The following AMPH variants were observed in gnomAD, a reference collection of about 807,000 sequenced individuals.
AMPH encodes amphiphysin (Stiff-Mann syndrome with breast cancer 128kD autoantigen).
AMPH carries 49 observed loss-of-function variants against 99.1 expected under a neutral mutation model. That is an observed-to-expected ratio of 0.49 (90% CI 0.39 to 0.63). The LOEUF is 0.63. Ranked by LOEUF, AMPH falls within the 20% of genes least tolerant of loss-of-function variation. The pLI, the probability that AMPH is intolerant of heterozygous loss-of-function variation, is 0.00. For synonymous variants in AMPH, 314 were observed against 317.3 expected, an observed-to-expected ratio of 0.99 and a Z score of 0.11; for missense variants, 759 against 863.4, an observed-to-expected ratio of 0.88 and a Z score of 1.52.
chr7:38,407,685 G>A (rs1395106101), intron 17 of AMPH, among the ~76,000 whole-genome samples: 1 of 151,954 alleles, frequency 6.6e-6, no homozygotes, highest in Non-Finnish European at 1.5e-5. Context: ...CAAGCCATAA[G>A]TACAGAATAA....
rs777984460 is a variant in AMPH at position 38,476,827 on chromosome 7, C to T, written c.504+35G>A. Reference sequence around the variant, plus strand: ...TAAAGCTGCAACAGGTCATAAAATACGGAGAGTGGTATTCACCATGGGCTC... The same window carrying T: ...TAAAGCTGCAACAGGTCATAAAATATGGAGAGTGGTATTCACCATGGGCTC... On this transcript the variant is annotated intron_variant, in intron 6 of 20. Transcript: ENST00000356264. 5.0e-5 allele frequency: 75 copies of T among 1,490,164 alleles called. No homozygotes were observed. In the South Asian group the frequency reaches 5.6e-4, roughly 11 times the overall value. The allele number at this position is 1,490,164 out of a possible 1,614,324, so 92.3% of individuals were successfully genotyped here.
Position 38,426,980 on chromosome 7 carries a change from C to T in AMPH, c.1189G>A (p.Gly397Ser). ...TGTGTGAATCCATTAAATGAACCAC[C>T]AGAAGCCTAAACAGAAACGAAAATC... ...TSTDLVQPAS[G>S]GSFNGFTQPQ... is the part of the protein sequence containing the mutation. The change falls in exon 15 of 21, where the codon GGT (glycine) becomes AGT (serine). Residue 397 changes from glycine (G) to serine (S), a missense_variant. By Grantham distance (56) the Gly-to-Ser change is moderately conservative. This residue lies in a region of AMPH where 554 missense variants were observed against 575.6 expected (regional missense o/e 0.96). Transcript: ENST00000356264. 2.5e-6 allele frequency: 4 copies of T among 1,612,848 alleles called. No individual in the cohort carries two copies. The highest frequency in any genetic ancestry group is 2.5e-6 in the Non-Finnish European group (3 of 1,179,194).
At chr7:38,431,338 G>GA (rs1343980654) in intron 13 of AMPH, among the ~76,000 whole-genome samples, 2 of 152,100 alleles carry the variant, frequency 1.3e-5, no homozygotes, top group East Asian at 3.8e-4. Flanking sequence ...TTATAAATGA[G>GA]AAAAAAATGA....
chr7:38,583,153 T>C (rs1446893574), intron 1 of AMPH, among the ~76,000 whole-genome samples: 5 of 152,206 alleles, frequency 3.3e-5, no homozygotes, highest in Non-Finnish European at 7.3e-5. Context: ...TCAAAACATA[T>C]GAAGAGCCCA....
intron 2 of AMPH, among the ~76,000 whole-genome samples, chr7:38,522,754 G>A (rs904565410): frequency 2.6e-5 from 4 of 152,110 alleles, no homozygotes; most frequent in African/African-American, 7.2e-5. Context: ...ATAAATATAC[G>A]TATATTGAAG....
At chr7:38,525,277 T>TAGAGAG (rs66462162) in intron 2 of AMPH, among the ~76,000 whole-genome samples, 49 of 86,644 alleles carry the variant, frequency 5.7e-4, no homozygotes, top group East Asian at 2.5e-3. Flanking sequence ...TATATATATA[T>TAGAGAG]AGAGAGAGAG....
At chr7:38,513,596 GA>G (rs1179617744) in intron 2 of AMPH, among the ~76,000 whole-genome samples, 7 of 152,158 alleles carry the variant, frequency 4.6e-5, no homozygotes, top group Non-Finnish European at 1.0e-4. Context: ...TGCTTCAAAA[GA>G]AAGAAGACTT....
At chr7:38,591,056 G>C (rs7811852) in intron 1 of AMPH, among the ~76,000 whole-genome samples, 84,018 of 151,946 alleles carry the variant, frequency 0.55, 23,680 homozygotes, top group African/African-American at 0.66. Context: ...TATTTTGAGA[G>C]GGAATCTTCT....
chr7:38,391,603 G>C (rs889591523), intron 19 of AMPH, 145 bp downstream of exon 19: 1 of 801,754 alleles, frequency 1.2e-6, no homozygotes, highest in South Asian at 1.9e-5. Flanking sequence ...GTCCTGGCTT[G>C]TCCAAGTGAT....
rs1300355949 is a variant in AMPH, at chr7:38,434,462, G to A, written c.1134+1810C>T. Among the ~76,000 whole-genome samples, 6 of 152,240 alleles carry A rather than the reference G, an allele frequency of 3.9e-5. No individual in the cohort carries two copies. The South Asian group carries it at 1.0e-3, about 26-fold the overall frequency. ...CCACAAAAGAAATGAAGCATGGGCC[G>A]GGCATGGTGGCTCATGCCTGTAATC... On this transcript the variant is annotated intron_variant, in intron 12 of 20. Coordinates refer to ENST00000356264, the MANE Select transcript of AMPH (RefSeq NM_001635.4).
At chr7:38,412,722 T>C (rs1011485644) in intron 17 of AMPH, among the ~76,000 whole-genome samples, 7 of 152,192 alleles carry the variant, frequency 4.6e-5, no homozygotes, top group African/African-American at 1.4e-4. Flanking sequence ...ATGTATCATG[T>C]TTGTAGATCA....
At chr7:38,518,977 G>A (rs950221425) in intron 2 of AMPH, among the ~76,000 whole-genome samples, 6 of 152,214 alleles carry the variant, frequency 3.9e-5, no homozygotes, top group South Asian at 4.1e-4. Flanking sequence ...CGGGTTTCAC[G>A]CTCATAAATG....
chr7:38,407,048 C>CTCTCTCTATATA (rs1241166935), intron 17 of AMPH, among the ~76,000 whole-genome samples: 2 of 31,258 alleles, frequency 6.4e-5, no homozygotes, highest in African/African-American at 1.1e-4. Flanking sequence ...CTCTCTCTCT[C>CTCTCTCTATATA]TATATATATA....
intron 1 of AMPH, among the ~76,000 whole-genome samples, chr7:38,618,112 C>A (rs181187200): frequency 6.6e-6 from 1 of 152,142 alleles, no homozygotes; most frequent in Admixed American, 6.5e-5. Flanking sequence ...GAGTCCATTT[C>A]ATAAGAAAAA....
chr7:38,626,237 G>T (rs1794236189), intron 1 of AMPH, among the ~76,000 whole-genome samples: 1 of 152,062 alleles, frequency 6.6e-6, no homozygotes, highest in South Asian at 2.1e-4. Flanking sequence ...CATGTGCAAT[G>T]GTGGTTTGCT....
At chr7:38,441,879 T>TCATATA in intron 11 of AMPH, among the ~76,000 whole-genome samples, 1 of 60,116 alleles carries the variant, frequency 1.7e-5, no homozygotes, top group Admixed American at 1.5e-4. Flanking sequence ...CATATATATA[T>TCATATA]CATATACATA....
In AMPH at chr7:38,491,185, T is replaced by A. The variant is rs1256090512; in HGVS notation, c.301-40A>T. 3.6e-6 allele frequency: 5 copies of A among 1,383,344 alleles called. No homozygotes were observed. In the Admixed American group the frequency reaches 5.5e-5, roughly 15 times the overall value. 85.7% of individuals were successfully genotyped at this position (1,383,344 alleles called of 1,614,324 possible). On this transcript the variant is annotated intron_variant, in intron 4 of 20. Transcript: ENST00000356264. ...GAGACCACTGCTGAATTATTTTAAT[T>A]GGATACCTTTCACCAAACTTCTAAA...
At chr7:38,484,091 C>A (rs6972241) in intron 5 of AMPH, among the ~76,000 whole-genome samples, 22,659 of 151,844 alleles carry the variant, frequency 0.15, 3,112 homozygotes, top group African/African-American at 0.36. Context: ...AAAACAAATG[C>A]AAAATAGTGA....
intron 7 of AMPH, among the ~76,000 whole-genome samples, chr7:38,473,709 T>TGAAAAAAAAAA (rs1787973383): frequency 2.1e-3 from 1 of 480 alleles, no homozygotes; most frequent in Non-Finnish European, 4.6e-3. Context: ...AGACTCCGTC[T>TGAAAAAAAAAA]CAAAAAAAAA....
Sources: gnomAD v4.1 joint callset for allele counts (sites outside exome capture counted in the v4.1 genomes callset) on GRCh38, gnomAD v4.1.1 for gene constraint, gnomAD v4.1.1 regional missense constraint, MANE v1.5 for transcripts, NCBI Gene and HGNC (gene_info 2026-07-23, HGNC 2026-07-21) for gene names.